The following ELF2 variants were observed in gnomAD, a reference collection of about 807,000 sequenced individuals.
ELF2 encodes the protein ETS-related transcription factor Elf-2.
In ELF2, 11 loss-of-function variants were observed where a neutral mutation model predicts 54.8. The ratio of observed to expected loss-of-function variants is 0.20; its 90% CI spans 0.13 to 0.33. The LOEUF is 0.33. ELF2 is among the 10% of genes least tolerant of loss of function. The pLI is 1.00. For synonymous variants in ELF2, 203 were observed against 245.1 expected, an observed-to-expected ratio of 0.83 and a Z score of 1.61; for missense variants, 513 against 703.0, an observed-to-expected ratio of 0.73 and a Z score of 3.06.
chr4:139,171,731 T>C (rs1742332318), intron 1 of ELF2, among the ~76,000 whole-genome samples: 1 of 152,126 alleles, frequency 6.6e-6, no homozygotes, highest in Non-Finnish European at 1.5e-5. Flanking sequence ...GAGACCAGCC[T>C]GGGCAACATG....
intron 3 of ELF2, among the ~76,000 whole-genome samples, chr4:139,130,439 T>C (rs1302904706): frequency 6.6e-6 from 1 of 152,254 alleles, no homozygotes; most frequent in East Asian, 1.9e-4. Context: ...AATTCCTAAA[T>C]GTGAACATTT....
chr4:139,083,415 C>T (rs1167274071), intron 4 of ELF2, among the ~76,000 whole-genome samples: 1 of 152,194 alleles, frequency 6.6e-6, no homozygotes, highest in Non-Finnish European at 1.5e-5. Flanking sequence ...TCTTCGCAGC[C>T]ACCCGTTAAA....
rs759267275 is a variant in ELF2, at chr4:139,111,491, C to CTT, written c.238+13671_238+13672dup. On this transcript the variant is annotated intron_variant, in intron 4 of 9. Coordinates refer to ENST00000686138, the MANE Select transcript of ELF2 (RefSeq NM_001331036.3). ...TACAGGTCCATGCCACCATACCAAC[C>CTT]TTTTTTTTTTTTTTTTTGTACAGAC... Among the ~76,000 whole-genome samples the CTT allele has an allele frequency of 2.7e-3, 368 of 136,296 alleles. 1 individual carries two copies. Among genetic ancestry groups the CTT allele is most frequent in the African/African-American group, 9.1e-3 (339 of 37,156 alleles). 89.4% of individuals were successfully genotyped at this position (136,296 alleles called of 152,430 possible).
intron 4 of ELF2, among the ~76,000 whole-genome samples, chr4:139,081,967 G>A (rs1578734673): frequency 6.6e-6 from 1 of 152,190 alleles, no homozygotes; most frequent in Non-Finnish European, 1.5e-5. Context: ...CAGTAGAGCT[G>A]GAAAACAGCA....
intron 4 of ELF2, among the ~76,000 whole-genome samples, chr4:139,088,044 T>C (rs1393251300): frequency 6.6e-6 from 1 of 152,090 alleles, no homozygotes; most frequent in Non-Finnish European, 1.5e-5. Context: ...CCCAGCACTT[T>C]GGGGAGCCTA....
intron 4 of ELF2, among the ~76,000 whole-genome samples, chr4:139,111,749 T>C (rs1578825494): frequency 6.6e-6 from 1 of 152,296 alleles, no homozygotes; most frequent in East Asian, 1.9e-4. Flanking sequence ...ATCTACCTTG[T>C]TAACTCCAAA....
At chr4:139,115,190 G>A in intron 4 of ELF2, 4 of 1,611,830 alleles carry the variant, frequency 2.5e-6, no homozygotes, top group Non-Finnish European at 3.4e-6. Context: ...AGCTCCTTGC[G>A]GTCATACTTG....
At chr4:139,149,506 TGA>T (rs1472259610) in intron 1 of ELF2, among the ~76,000 whole-genome samples, 1 of 151,968 alleles carries the variant, frequency 6.6e-6, no homozygotes, top group Non-Finnish European at 1.5e-5. Context: ...CCCAGCTACT[TGA>T]GAGGCTGAGG....
At chr4:139,077,747 G>A (rs893212679) in intron 4 of ELF2, among the ~76,000 whole-genome samples, 10 of 152,098 alleles carry the variant, frequency 6.6e-5, no homozygotes, top group African/African-American at 1.7e-4. Context: ...ATTTAACAGT[G>A]TTGTGCAATC....
At chr4:139,133,586 T>C (rs1737778083) in intron 3 of ELF2, among the ~76,000 whole-genome samples, 1 of 152,164 alleles carries the variant, frequency 6.6e-6, no homozygotes, top group Admixed American at 6.6e-5. Context: ...ACAGTATTTA[T>C]AGTTCACTGT....
intron 1 of ELF2, among the ~76,000 whole-genome samples, chr4:139,145,397 C>A (rs1739126348): frequency 6.6e-6 from 1 of 152,162 alleles, no homozygotes. Flanking sequence ...CCAGAATCAG[C>A]CTGGAATGTG....
chr4:139,064,378 C>T (rs1728372299), intron 7 of ELF2, among the ~76,000 whole-genome samples: 1 of 152,216 alleles, frequency 6.6e-6, no homozygotes, highest in Non-Finnish European at 1.5e-5. Context: ...GGATTCCATG[C>T]ACTATTCGTT....
At chr4:139,121,333 C>A (rs1484528507) in intron 4 of ELF2, among the ~76,000 whole-genome samples, 3 of 151,448 alleles carry the variant, frequency 2.0e-5, no homozygotes, top group African/African-American at 2.4e-5. Flanking sequence ...TGGTCTCGAT[C>A]TCCTGACCTC....
intron 1 of ELF2, among the ~76,000 whole-genome samples, chr4:139,175,417 A>G (rs761265589): frequency 2.6e-5 from 4 of 152,216 alleles, no homozygotes; most frequent in Non-Finnish European, 4.4e-5. Context: ...TTTCTATTTC[A>G]TGTGTTTAAC....
chr4:139,098,355 TA>T, intron 4 of ELF2, among the ~76,000 whole-genome samples: 1 of 152,184 alleles, frequency 6.6e-6, no homozygotes, highest in Non-Finnish European at 1.5e-5. Flanking sequence ...CTTTTAGCAG[TA>T]TAAAGAGTAT....
chr4:139,099,563 A>G (rs1215677967), intron 4 of ELF2, among the ~76,000 whole-genome samples: 1 of 152,204 alleles, frequency 6.6e-6, no homozygotes, highest in Non-Finnish European at 1.5e-5. Context: ...GAAGTACACA[A>G]CTACCACCAG....
chr4:139,082,031 C>T (rs779473970), intron 4 of ELF2, among the ~76,000 whole-genome samples: 2 of 152,156 alleles, frequency 1.3e-5, no homozygotes, highest in Non-Finnish European at 2.9e-5. Flanking sequence ...AAACCAAAGA[C>T]AGTCTTTTAT....
intron 1 of ELF2, among the ~76,000 whole-genome samples, chr4:139,163,966 AGAAAG>A (rs1245311531): frequency 3.0e-4 from 44 of 148,030 alleles, no homozygotes; most frequent in East Asian, 1.8e-3. Flanking sequence ...GAGAAAAGAA[AGAAAG>A]GAAAGGAAAG....
chr4:139,152,158 T>C (rs1395995202), intron 1 of ELF2, among the ~76,000 whole-genome samples: 1 of 152,216 alleles, frequency 6.6e-6, no homozygotes, highest in Non-Finnish European at 1.5e-5. Context: ...TGCAAAATAG[T>C]ATAAATTTGC....
Sources: allele counts gnomAD v4.1 joint callset (sites outside exome capture counted in the v4.1 genomes callset), GRCh38; gene constraint gnomAD v4.1.1; transcripts MANE v1.5; gene names NCBI Gene and HGNC (gene_info 2026-07-23, HGNC 2026-07-21).